The following FDFT1 variants were observed in gnomAD, a reference collection of about 807,000 sequenced individuals.
FDFT1 encodes the protein squalene synthase.
A neutral mutation model predicts 46.8 loss-of-function variants in FDFT1; 68 were observed. The ratio of observed to expected loss-of-function variants is 1.45; its 90% CI spans 1.19 to 1.78. The LOEUF (loss-of-function observed/expected upper bound fraction) is 1.78, where lower values mean the gene tolerates loss of function less well. Among genes scored for constraint, FDFT1 ranks in the 40% most tolerant of loss-of-function variants. FDFT1 has a pLI of 0.00. For missense variants in FDFT1, 928 were observed against 524.4 expected (o/e 1.77, Z -7.52); for synonymous variants, 351 against 185.1 (o/e 1.90, Z -7.28).
At position 11,831,548 on chromosome 8, in the gene FDFT1, T is replaced by C; in HGVS notation, c.910T>C (p.Tyr304His). The change falls in exon 7 of 8, where the codon TAT (tyrosine) becomes CAT (histidine). Residue 304 changes from tyrosine to histidine, a missense_variant. Tyr to His is a moderately conservative substitution (Grantham distance 83). Coordinates refer to ENST00000220584, the MANE Select transcript of FDFT1 (RefSeq NM_004462.5). ...GGCCATTGCCACTTTGGCTGCCTGT[T>C]ATAATAACCAGCAGGTGTTCAAAGG... ...VMAIATLAAC[Y>H]NNQQVFKGAV... The C allele has an allele frequency of 6.2e-7, 1 of 1,614,214 alleles. No individual in the cohort carries two copies. The highest frequency in any genetic ancestry group is 8.5e-7 in the Non-Finnish European group (1 of 1,180,008).
chr8:11,830,315 C>T lies in FDFT1; in HGVS notation c.774C>T (p.Cys258=), dbSNP rs762034617. Residue 258 remains cysteine, a synonymous_variant, in exon 6 of 8, where the codon TGC becomes TGT. Coordinates refer to ENST00000220584, the MANE Select transcript of FDFT1 (RefSeq NM_004462.5). Reference sequence around the variant, plus strand: ...AGAATATTGACTTGGCCGTGCAGTGCCTGAATGAACTTATAACCAATGCAC... The same window carrying T: ...AGAATATTGACTTGGCCGTGCAGTGTCTGAATGAACTTATAACCAATGCAC... The part of the protein sequence containing the change: ...KPENIDLAVQ[C]LNELITNALH... 8.1e-6 allele frequency: 13 copies of T among 1,613,658 alleles called. No individual in the cohort carries two copies. In the South Asian group the frequency reaches 1.2e-4, roughly 15 times the overall value.
chr8:11,800,288 A>T (rs1025804300), upstream of FDFT1, among the ~76,000 whole-genome samples: 47 of 139,830 alleles, frequency 3.4e-4, no homozygotes, highest in Non-Finnish European at 6.5e-4. Flanking sequence ...AAAAAAAAAA[A>T]AAAAGGCGCT....
At position 11,838,502 on chromosome 8, in the gene FDFT1, TCCC is replaced by T. The variant is rs745651943; in HGVS notation, c.1150_1152del (p.Pro384del). 3 of 1,607,414 alleles carry T rather than the reference TCCC, an allele frequency of 1.9e-6. No homozygotes were observed. The highest frequency in any genetic ancestry group is 8.5e-7 in the Non-Finnish European group (1 of 1,175,910). ...TCAGCTGATTTCCCGAAGCCACTAC[TCCC>T]CCATCTACCTGTCGTTTGTCATGCT... On this transcript the variant is annotated inframe_deletion, in exon 8 of 8. Coordinates refer to ENST00000220584, the MANE Select transcript of FDFT1 (RefSeq NM_004462.5).
chr8:11,830,303 G>C lies in FDFT1; in HGVS notation c.762G>C (p.Leu254Phe), dbSNP rs1478962092. The change falls in exon 6 of 8, where the codon TTG becomes TTC. Residue 254 changes from leucine to phenylalanine, a missense_variant. By Grantham distance (22) the Leu-to-Phe change is conservative. Transcript: ENST00000220584. ...GDFAKPENID[L>F]AVQCLNELIT... is the part of the protein sequence containing the mutation. ...TTGCTAAGCCGGAGAATATTGACTT[G>C]GCCGTGCAGTGCCTGAATGAACTTA... 1.2e-6 allele frequency: 2 copies of C among 1,613,796 alleles called. No individual in the cohort carries two copies. The highest frequency in any genetic ancestry group is 2.2e-5 in the East Asian group (1 of 44,888).
chr8:11,812,167 G>A (rs80040100), intron 3 of FDFT1, among the ~76,000 whole-genome samples: 4,503 of 152,236 alleles, frequency 0.03, 115 homozygotes, highest in Non-Finnish European at 0.048. Flanking sequence ...GGGATCACTG[G>A]GGCCATGGGA....
At chr8:11,799,407 A>C (rs1390326384), upstream of FDFT1, among the ~76,000 whole-genome samples, 1 of 152,254 alleles carries the variant, frequency 6.6e-6, no homozygotes, top group Non-Finnish European at 1.5e-5. Flanking sequence ...GCCCTGTGGC[A>C]GTTAGAGCTT....
chr8:11,830,546 C>T (rs75019066), intron 6 of FDFT1, 126 bp downstream of exon 6: 29 of 691,634 alleles, frequency 4.2e-5, no homozygotes, highest in South Asian at 5.6e-5. Flanking sequence ...CAGTTTATTA[C>T]GCTGGGAGTT....
At chr8:11,824,419 G>A (rs994460048) in intron 4 of FDFT1, among the ~76,000 whole-genome samples, 2 of 152,120 alleles carry the variant, frequency 1.3e-5, no homozygotes, top group Non-Finnish European at 2.9e-5. Context: ...AAAGAAAAGG[G>A]GAAGTTTTAG....
chr8:11,810,923 G>T (rs2130736813), intron 3 of FDFT1, among the ~76,000 whole-genome samples: 1 of 132,724 alleles, frequency 7.5e-6, no homozygotes, highest in East Asian at 2.3e-4. Context: ...GGCATAATGG[G>T]AGCAATATTT....
intron 3 of FDFT1, among the ~76,000 whole-genome samples, chr8:11,821,269 A>G (rs914448307): frequency 2.6e-5 from 4 of 152,234 alleles, no homozygotes; most frequent in Non-Finnish European, 5.9e-5. Context: ...AGACCATTCT[A>G]TTTTAATATT....
At chr8:11,837,591 G>C (rs866011105) in intron 7 of FDFT1, among the ~76,000 whole-genome samples, 1 of 152,156 alleles carries the variant, frequency 6.6e-6, no homozygotes, top group Non-Finnish European at 1.5e-5. Flanking sequence ...CACTAGACAG[G>C]TGCAGTAGGT....
At chr8:11,800,643 G>A (rs1806021729), upstream of FDFT1, among the ~76,000 whole-genome samples, 1 of 152,218 alleles carries the variant, frequency 6.6e-6, no homozygotes, top group South Asian at 2.1e-4. Context: ...CTATAAGCAT[G>A]CCAGGGCAAA....
intron 5 of FDFT1, 64 bp from the exon 6 acceptor site, chr8:11,830,180 T>C: frequency 1.6e-6 from 2 of 1,284,004 alleles, no homozygotes; most frequent in Non-Finnish European, 2.3e-6. Flanking sequence ...GACCCTTTAA[T>C]ATTGTTTGTA....
chr8:11,808,611 G>A, intron 1 of FDFT1, 183 bp from the exon 2 acceptor site: 3 of 1,392,356 alleles, frequency 2.2e-6, no homozygotes, highest in South Asian at 3.2e-5. Context: ...CCCGGGCGCA[G>A]GCACCGCCCC....
At chr8:11,801,425 T>C (rs1402752710), upstream of FDFT1, among the ~76,000 whole-genome samples, 1 of 152,222 alleles carries the variant, frequency 6.6e-6, no homozygotes, top group Non-Finnish European at 1.5e-5. Context: ...GTTCAAGCGA[T>C]TCTCCTGCCT....
chr8:11,809,343 T>G lies in FDFT1; in HGVS notation c.198-324T>G, dbSNP rs534323807. ...GTTACTGTGTTTTTTGACTTTCTTT[T>G]CTATTTGCTACATATTAGTTCGGTC... On this transcript the variant is annotated intron_variant, in intron 2 of 7. Coordinates refer to ENST00000220584, the MANE Select transcript of FDFT1 (RefSeq NM_004462.5). 840 of 1,104,064 alleles carry G rather than the reference T, an allele frequency of 7.6e-4. 5 individuals are homozygous for G. In the African/African-American group the frequency reaches 0.012, roughly 16 times the overall value. 68.4% of individuals were successfully genotyped at this position (1,104,064 alleles called of 1,614,324 possible).
In FDFT1 at chr8:11,830,291, G is replaced by A; in HGVS notation, c.750G>A (p.Glu250=). 1.9e-6 allele frequency: 3 copies of A among 1,614,044 alleles called. No homozygotes were observed. Among genetic ancestry groups the A allele is most frequent in the South Asian group, 2.2e-5 (2 of 91,078 alleles). Residue 250 remains glutamate (E), a synonymous_variant, in exon 6 of 8, where the codon GAG becomes GAA. Coordinates refer to ENST00000220584, the MANE Select transcript of FDFT1 (RefSeq NM_004462.5). ...VKKLGDFAKP[E]NIDLAVQCLN... Reference sequence around the variant, plus strand: ...AGTTAGGGGATTTTGCTAAGCCGGAGAATATTGACTTGGCCGTGCAGTGCC... The same window carrying A: ...AGTTAGGGGATTTTGCTAAGCCGGAAAATATTGACTTGGCCGTGCAGTGCC...
At chr8:11,815,993 G>C (rs535460826) in intron 3 of FDFT1, among the ~76,000 whole-genome samples, 5 of 152,076 alleles carry the variant, frequency 3.3e-5, no homozygotes, top group Non-Finnish European at 5.9e-5. Context: ...GGGTTTTTAC[G>C]GTTTTAGGCC....
Position 11,805,150 on chromosome 8 carries a change from C to G in FDFT1, c.99+2219C>G, listed in dbSNP as rs1806668503. On this transcript the variant is annotated intron_variant, in intron 1 of 7. Transcript: ENST00000220584. ...CAGGCTGGTCTTGAACTCCTGAGCT[C>G]AAGCGATTTTCCCACCTCAGCCTTC... 1.3e-5 allele frequency among the ~76,000 whole-genome samples: 2 copies of G among 151,492 alleles called. 1 individual carries two copies. The highest frequency in any genetic ancestry group is 4.2e-4 in the South Asian group (2 of 4,780).
Sources: gnomAD v4.1 joint callset for allele counts (sites outside exome capture counted in the v4.1 genomes callset) on GRCh38, gnomAD v4.1.1 for gene constraint, MANE v1.5 for transcripts, NCBI Gene and HGNC (gene_info 2026-07-23, HGNC 2026-07-21) for gene names.